The following ENTPD6 variants were observed in gnomAD, a reference collection of about 807,000 sequenced individuals.
ENTPD6 encodes the protein ectonucleoside triphosphate diphosphohydrolase 6, also known as CD39 antigen-like 2.
In ENTPD6, 46 loss-of-function variants were observed where a neutral mutation model predicts 61.5. The ratio of observed to expected loss-of-function variants is 0.75; its 90% confidence interval spans 0.59 to 0.96. The LOEUF (loss-of-function observed/expected upper bound fraction) is 0.96, where lower values mean the gene tolerates loss of function less well. ENTPD6 is among the 40% of genes least tolerant of loss of function. The probability of loss-of-function intolerance (pLI) is 0.00; values close to 1 mark genes in which losing one functional copy is unlikely to be tolerated. For missense variants in ENTPD6, 612 were observed against 629.0 expected (o/e 0.97, Z 0.29); for synonymous variants, 252 against 255.5 (o/e 0.99, Z 0.13).
Position 25,225,270 on chromosome 20 carries a change from A to C in ENTPD6, c.1309A>C (p.Ser437Arg), listed in dbSNP as rs1348124225. The change falls in exon 14 of 15, where the codon AGC becomes CGC. Residue 437 changes from serine (S) to arginine (R), a missense_variant. Ser to Arg is a moderately radical substitution (Grantham distance 110). Transcript: ENST00000376652. ...PFSCMDLTYV[S>R]LLLQEFGFPR... is the part of the protein sequence containing the mutation. ...CTCATGCATGGACCTCACCTACGTC[A>C]GCCTGCTACTCCAGGAGTTCGGCTT... 6.2e-7 allele frequency: 1 copy of C among 1,613,628 alleles called. No homozygotes were observed. The highest frequency in any genetic ancestry group is 2.2e-5 in the East Asian group (1 of 44,874).
Position 25,213,422 on chromosome 20 carries a change from C to G in ENTPD6, c.597+16C>G, listed in dbSNP as rs2092112745. Reference sequence around the variant, plus strand: ...ACTGCAGAAGGTGAGCCTGGCCATTCCCCAGTGCCATTAGCCAGCCCTCAG... The same window carrying G: ...ACTGCAGAAGGTGAGCCTGGCCATTGCCCAGTGCCATTAGCCAGCCCTCAG... On this transcript the variant is annotated intron_variant, in intron 5 of 14. Transcript: ENST00000376652. 2 of 1,590,772 alleles carry G rather than the reference C, an allele frequency of 1.3e-6. No individual in the cohort carries two copies. Among genetic ancestry groups the G allele is most frequent in the Non-Finnish European group, 1.7e-6 (2 of 1,168,082 alleles).
chr20:25,223,404 T>A (rs1275282355), intron 12 of ENTPD6, among the ~76,000 whole-genome samples: 1 of 152,126 alleles, frequency 6.6e-6, no homozygotes, highest in African/African-American at 2.4e-5. Context: ...GAAGCCAGAT[T>A]AGGGCGGAAA....
At chr20:25,208,346 T>C (rs761152921) in intron 3 of ENTPD6, among the ~76,000 whole-genome samples, 23 of 152,236 alleles carry the variant, frequency 1.5e-4, no homozygotes, top group Non-Finnish European at 3.1e-4. Flanking sequence ...TGTGGGAGGC[T>C]AAGGCAGGAG....
At chr20:25,209,816 A>G (rs1484952899) in intron 3 of ENTPD6, 33 bp from the exon 4 acceptor site, 1 of 1,568,646 alleles carries the variant, frequency 6.4e-7, no homozygotes, top group South Asian at 1.1e-5. Flanking sequence ...GTGTATTCAT[A>G]GTTGTACCCT....
Position 25,207,043 on chromosome 20 carries a change from G to A in ENTPD6, c.55-33G>A, listed in dbSNP as rs199557956. The A allele has an allele frequency of 2.4e-5, 37 of 1,568,730 alleles. No homozygotes were observed. In the East Asian group the frequency reaches 7.0e-4, roughly 30 times the overall value. On this transcript the variant is annotated intron_variant, in intron 2 of 14. Coordinates refer to ENST00000376652, the MANE Select transcript of ENTPD6 (RefSeq NM_001247.5). ...TCTCCTTGGATCCTAGCACCCTAAC[G>A]TGCTTTTCCTGCCTCTCCCCCCTTC...
chr20:25,220,748 G>A (rs766703321), intron 10 of ENTPD6, among the ~76,000 whole-genome samples: 9 of 152,248 alleles, frequency 5.9e-5, no homozygotes, highest in Non-Finnish European at 1.0e-4. Context: ...TGCCATCCTC[G>A]AAAGGTGATA....
At chr20:25,215,079 G>C (rs1376198242) in intron 6 of ENTPD6, 137 bp downstream of exon 6, 1 of 627,956 alleles carries the variant, frequency 1.6e-6, no homozygotes. Context: ...CTCAAGTAAA[G>C]AATCATGGCT....
intron 3 of ENTPD6, among the ~76,000 whole-genome samples, chr20:25,208,492 A>G (rs1255416185): frequency 2.2e-5 from 3 of 139,342 alleles, no homozygotes; most frequent in Non-Finnish European, 4.9e-5. Context: ...TAATAATTAA[A>G]AAGTAAAGCT....
At chr20:25,222,220 A>G (rs1240530505) in intron 11 of ENTPD6, 1 of 153,218 alleles carries the variant, frequency 6.5e-6, no homozygotes, top group Non-Finnish European at 1.5e-5. Context: ...CCAGGAGGAA[A>G]TGAGATCGAA....
At position 25,222,823 on chromosome 20, in the gene ENTPD6, T is replaced by C; in HGVS notation, c.1046-15T>C. ...CTCGGAGCCCACTGACCGCTAGCCT[T>C]GTGCTTGTCCCCAGCGGCAAGCCTG... On this transcript the variant is annotated splice_polypyrimidine_tract_variant and intron_variant, in intron 11 of 14. Coordinates refer to ENST00000376652, the MANE Select transcript of ENTPD6 (RefSeq NM_001247.5). The C allele has an allele frequency of 6.2e-7, 1 of 1,613,096 alleles. No homozygotes were observed. Among genetic ancestry groups the C allele is most frequent in the South Asian group, 1.1e-5 (1 of 91,024 alleles).
In ENTPD6 at chr20:25,224,113, G is replaced by A; in HGVS notation, c.1199G>A (p.Gly400Glu). The change falls in exon 13 of 15, where the codon GGA becomes GAA. Residue 400 changes from glycine to glutamate, a missense_variant. Transcript: ENST00000376652. Reference protein sequence around the residue: ...AGVGLIDAEKGGSLVVGDFEI... With the variant: ...AGVGLIDAEKEGSLVVGDFEI... ...GTGTCTCCCACAGATGCGGAGAAGG[G>A]AGGCAGCCTGGTGGTGGGGGACTTC... The A allele has an allele frequency of 6.2e-7, 1 of 1,612,464 alleles. No homozygotes were observed. Among genetic ancestry groups the A allele is most frequent in the Non-Finnish European group, 8.5e-7 (1 of 1,179,270 alleles).
chr20:25,217,704 C>T, intron 9 of ENTPD6, 123 bp downstream of exon 9: 2 of 802,360 alleles, frequency 2.5e-6, no homozygotes, highest in Middle Eastern at 2.8e-4. Context: ...GGGAATCCAC[C>T]CAGACCTCTC....
intron 1 of ENTPD6, chr20:25,197,110 A>C: frequency 3.0e-6 from 3 of 985,452 alleles, no homozygotes; most frequent in Non-Finnish European, 3.6e-6. Flanking sequence ...TACAGCGTGC[A>C]TGGCAGGCAT....
chr20:25,218,494 T>C, intron 9 of ENTPD6, 56 bp from the exon 10 acceptor site: 1 of 1,534,634 alleles, frequency 6.5e-7, no homozygotes, highest in East Asian at 2.3e-5. Context: ...GAGGTGAGCC[T>C]GCCATGACCT....
intron 6 of ENTPD6, among the ~76,000 whole-genome samples, chr20:25,215,322 C>T (rs1024929917): frequency 3.3e-5 from 5 of 152,192 alleles, no homozygotes; most frequent in Admixed American, 3.3e-4. Context: ...TCACTAGCTC[C>T]TGATAGGTCT....
chr20:25,220,264 C>T (rs2092575403), intron 10 of ENTPD6, among the ~76,000 whole-genome samples: 1 of 152,254 alleles, frequency 6.6e-6, no homozygotes, highest in Non-Finnish European at 1.5e-5. Context: ...ATCTGGGCAG[C>T]ACCTCCGCTG....
chr20:25,213,500 G>A (rs1329391268), intron 5 of ENTPD6, 94 bp downstream of exon 5: 1 of 1,335,562 alleles, frequency 7.5e-7, no homozygotes, highest in Non-Finnish European at 1.0e-6. Flanking sequence ...GCACCATCAG[G>A]CAGGACACAG....
intron 11 of ENTPD6, chr20:25,222,631 G>A (rs1375804256): frequency 8.1e-5 from 45 of 552,760 alleles, no homozygotes; most frequent in Admixed American, 6.8e-4. Flanking sequence ...TCCCTGCGCC[G>A]GGACCAACAA....
intron 1 of ENTPD6, chr20:25,196,965 A>G: frequency 2.6e-6 from 1 of 383,218 alleles, no homozygotes; most frequent in Non-Finnish European, 3.6e-6. Context: ...CTCCCCTCCC[A>G]CCGCCTCCTG....
Sources: allele counts gnomAD v4.1 joint callset (sites outside exome capture counted in the v4.1 genomes callset), GRCh38; gene constraint gnomAD v4.1.1; transcripts MANE v1.5; gene names NCBI Gene and HGNC (gene_info 2026-07-23, HGNC 2026-07-21).